The following WDFY3 variants were observed in gnomAD, a reference collection of about 807,000 sequenced individuals.
WDFY3 encodes the protein WD repeat and FYVE domain-containing protein 3.
WDFY3 carries 66 observed loss-of-function variants against 409.6 expected under a neutral mutation model. That is an observed-to-expected ratio of 0.16 (90% CI 0.13 to 0.20). The LOEUF (loss-of-function observed/expected upper bound fraction) is 0.20. WDFY3 is among the 10% of genes least tolerant of loss of function. The probability of loss-of-function intolerance (pLI) is 1.00; values close to 1 mark genes in which losing one functional copy is unlikely to be tolerated. For missense variants in WDFY3, 3,031 were observed against 4,298.1 expected (o/e 0.71, Z 8.24); for synonymous variants, 1,521 against 1,537.1 (o/e 0.99, Z 0.25).
rs1731767047 is a variant in WDFY3 at position 84,705,422 on chromosome 4, C to T, written c.8307G>A (p.Lys2769=). 9.3e-6 allele frequency: 15 copies of T among 1,613,916 alleles called. No homozygotes were observed. The highest frequency in any genetic ancestry group is 1.1e-5 in the Non-Finnish European group (13 of 1,179,944). ...TAGGATCCTCCCAGTCTTTATACCG[C>T]TTCTTATACTGAGCTAATCGTTCAT... ...QTDERLAQYK[K]RYKDWEDPNG... The change falls in exon 54 of 68, where the codon AAG becomes AAA. Residue 2769 remains lysine (K), a synonymous_variant. Transcript: ENST00000295888.
chr4:84,863,898 A>G (rs1421143334), intron 3 of WDFY3, among the ~76,000 whole-genome samples: 1 of 152,076 alleles, frequency 6.6e-6, no homozygotes, highest in Non-Finnish European at 1.5e-5. Context: ...TCATTGGTCT[A>G]TATGTCTGTT....
At chr4:84,782,319 C>T (rs539600740) in intron 25 of WDFY3, among the ~76,000 whole-genome samples, 66 of 151,824 alleles carry the variant, frequency 4.3e-4, no homozygotes, top group African/African-American at 1.5e-3. Flanking sequence ...AAAAGTTACA[C>T]GAAATTATAT....
chr4:84,836,854 G>A lies in WDFY3; in HGVS notation c.576+75C>T, dbSNP rs965437209. ...AAATATGAGTTAAAAAATGGAATAT[G>A]TAAAACATCTATTTAGGAAGTATAC... On this transcript the variant is annotated intron_variant, in intron 7 of 67. Coordinates refer to ENST00000295888, the MANE Select transcript of WDFY3 (RefSeq NM_014991.6). 4.8e-6 allele frequency: 6 copies of A among 1,253,356 alleles called. No homozygotes were observed. The Admixed American group carries it at 1.8e-4, about 38-fold the overall frequency. The allele number at this position is 1,253,356 out of a possible 1,614,324, so 77.6% of individuals were successfully genotyped here.
chr4:84,881,776 T>C (rs977203975), intron 3 of WDFY3, among the ~76,000 whole-genome samples: 1 of 151,404 alleles, frequency 6.6e-6, no homozygotes, highest in African/African-American at 2.4e-5. Context: ...AGGTCCCAGG[T>C]TGAGGTAAGA....
At chr4:84,684,831 T>C (rs1055636697) in intron 62 of WDFY3, among the ~76,000 whole-genome samples, 7 of 152,220 alleles carry the variant, frequency 4.6e-5, no homozygotes, top group African/African-American at 1.4e-4. Context: ...GGCTGGGCTC[T>C]ACCTAACCTG....
chr4:84,844,600 G>T, intron 5 of WDFY3: 1 of 1,093,142 alleles, frequency 9.1e-7, no homozygotes, highest in Non-Finnish European at 1.2e-6. Flanking sequence ...ACATCATCCA[G>T]TCTCTCCATT....
At chr4:84,742,001 C>G (rs572837655) in intron 37 of WDFY3, 80 bp from the exon 38 acceptor site, 13 of 1,364,576 alleles carry the variant, frequency 9.5e-6, no homozygotes, top group Non-Finnish European at 1.3e-5. Flanking sequence ...AAAAATCAGG[C>G]TAAGGTAAAA....
chr4:84,704,540 A>G (rs1731597580), intron 54 of WDFY3, 96 bp from the exon 55 acceptor site: 5 of 976,740 alleles, frequency 5.1e-6, no homozygotes, highest in Non-Finnish European at 7.5e-6. Flanking sequence ...AGCCTATGTG[A>G]TAACTGTAAC....
chr4:84,719,871 T>A (rs1453520126), intron 47 of WDFY3, among the ~76,000 whole-genome samples: 1 of 152,214 alleles, frequency 6.6e-6, no homozygotes, highest in Non-Finnish European at 1.5e-5. Flanking sequence ...TGATCTTTTC[T>A]AATGTATTGT....
intron 13 of WDFY3, among the ~76,000 whole-genome samples, chr4:84,811,308 T>G (rs1752455212): frequency 6.6e-6 from 1 of 152,176 alleles, no homozygotes; most frequent in African/African-American, 2.4e-5. Flanking sequence ...AGCTTATGAT[T>G]TTAAAAAACA....
At chr4:84,839,203 CTG>C (rs1323240967) in intron 6 of WDFY3, among the ~76,000 whole-genome samples, 4 of 152,030 alleles carry the variant, frequency 2.6e-5, no homozygotes, top group South Asian at 2.1e-4. Context: ...ATGTAGAAAA[CTG>C]TATTAAAAGT....
intron 1 of WDFY3, among the ~76,000 whole-genome samples, chr4:84,943,054 C>T (rs528212417): frequency 3.7e-4 from 57 of 152,314 alleles, no homozygotes; most frequent in African/African-American, 1.3e-3. Flanking sequence ...TCAACTACTC[C>T]TCTCTTCCTC....
At chr4:84,923,881 A>G (rs1351562890) in intron 2 of WDFY3, among the ~76,000 whole-genome samples, 7 of 152,116 alleles carry the variant, frequency 4.6e-5, no homozygotes, top group Admixed American at 4.6e-4. Context: ...CACCCATAGT[A>G]CCAGCTATTC....
At chr4:84,684,170 T>C (rs375637107) in intron 62 of WDFY3, 45 bp from the exon 63 acceptor site, 41 of 1,467,010 alleles carry the variant, frequency 2.8e-5, no homozygotes, top group Non-Finnish European at 3.4e-5. Context: ...TCCCTTCCAA[T>C]TACCTTCTGG....
intron 17 of WDFY3, among the ~76,000 whole-genome samples, chr4:84,799,722 C>T (rs1750164055): frequency 6.6e-6 from 1 of 152,108 alleles, no homozygotes; most frequent in Non-Finnish European, 1.5e-5. Flanking sequence ...ATTTTCAACT[C>T]CCTACAGCAG....
intron 37 of WDFY3, among the ~76,000 whole-genome samples, chr4:84,742,273 T>G (rs1366967082): frequency 6.6e-6 from 1 of 152,192 alleles, no homozygotes; most frequent in African/African-American, 2.4e-5. Context: ...ATTTTGTGTA[T>G]GTAATAAAGG....
intron 59 of WDFY3, 149 bp downstream of exon 59, chr4:84,692,736 T>A: frequency 1.5e-6 from 1 of 676,512 alleles, no homozygotes; most frequent in East Asian, 3.1e-5. Context: ...ATATAAATAC[T>A]AGTAGGTATT....
At chr4:84,933,835 T>G (rs1287551442) in intron 1 of WDFY3, among the ~76,000 whole-genome samples, 1 of 152,184 alleles carries the variant, frequency 6.6e-6, no homozygotes, top group Admixed American at 6.6e-5. Flanking sequence ...GTTTCATCTA[T>G]GTTGTTGCAA....
intron 53 of WDFY3, among the ~76,000 whole-genome samples, chr4:84,707,218 C>T (rs537589287): frequency 6.6e-6 from 1 of 152,232 alleles, no homozygotes; most frequent in South Asian, 2.1e-4. Flanking sequence ...GTGTGAGCCA[C>T]AGCACCTGGT....
Sources: gnomAD v4.1 joint callset for allele counts (sites outside exome capture counted in the v4.1 genomes callset) on GRCh38, gnomAD v4.1.1 for gene constraint, MANE v1.5 for transcripts, NCBI Gene and HGNC (gene_info 2026-07-23, HGNC 2026-07-21) for gene names.